The following ANOS1 variants were observed in gnomAD, a reference collection of about 807,000 sequenced individuals.
The protein encoded by ANOS1 is anosmin 1.
Under a neutral mutation model 59.0 loss-of-function variants are expected in ANOS1, and 6 were observed. That is an observed-to-expected ratio of 0.10 (90% CI 0.06 to 0.20). The LOEUF is 0.20. ANOS1 is among the 10% of genes least tolerant of loss of function. The pLI is 1.00. For missense variants in ANOS1, 433 were observed against 542.3 expected, an observed-to-expected ratio of 0.80 and a Z score of 2.00; for synonymous variants, 217 against 223.4, an observed-to-expected ratio of 0.97 and a Z score of 0.25.
chrX:8,656,386 G>A (rs1161072801), intron 2 of ANOS1, among the ~76,000 whole-genome samples: 4 of 111,293 alleles, frequency 3.6e-5, no homozygotes, highest in African/African-American at 1.3e-4. Context: ...AATACCATGG[G>A]GACAAAAACA....
At chrX:8,719,259 T>C (rs1932859767) in intron 1 of ANOS1, among the ~76,000 whole-genome samples, 1 of 112,522 alleles carries the variant, frequency 8.9e-6, no homozygotes, top group Non-Finnish European at 1.9e-5. Context: ...CAGAAGAGTG[T>C]CATTACTTCC....
At chrX:8,648,494 T>G (rs1201939645) in intron 2 of ANOS1, among the ~76,000 whole-genome samples, 1 of 105,464 alleles carries the variant, frequency 9.5e-6, no homozygotes, top group Non-Finnish European at 1.9e-5. Context: ...TACATGGAAA[T>G]TATTGTGTAA....
chrX:8,654,390 C>G (rs977862908), intron 2 of ANOS1, among the ~76,000 whole-genome samples: 1 of 112,533 alleles, frequency 8.9e-6, no homozygotes, highest in Non-Finnish European at 1.9e-5. Context: ...AGGTCTATCT[C>G]TATTCCATTC....
intron 2 of ANOS1, among the ~76,000 whole-genome samples, chrX:8,630,843 G>A (rs1472223079): frequency 8.9e-6 from 1 of 112,928 alleles, no homozygotes; most frequent in Non-Finnish European, 1.9e-5. Flanking sequence ...TCTTTACAAC[G>A]TCTTCCAATC....
chrX:8,655,051 T>C lies in ANOS1; in HGVS notation c.256-31381A>G, dbSNP rs746118212. ...GGTTTTGTGGAATATATTTTTTTTT[T>C]CCATGGACTGGGTGAGGAGGAGGAG... On this transcript the variant is annotated intron_variant, in intron 2 of 13. Coordinates refer to ENST00000262648, the MANE Select transcript of ANOS1 (RefSeq NM_000216.4). 1.4e-4 allele frequency among the ~76,000 whole-genome samples: 16 copies of C among 111,449 alleles called. No individual in the cohort carries two copies. The East Asian group carries it at 3.9e-3, about 27-fold the overall frequency.
At chrX:8,727,677 C>G (rs1216331053) in intron 1 of ANOS1, among the ~76,000 whole-genome samples, 1 of 112,189 alleles carries the variant, frequency 8.9e-6, no homozygotes, top group East Asian at 2.8e-4. Context: ...AGCATCATGC[C>G]TGAGCACATG....
At chrX:8,563,388 C>G (rs1387125453) in intron 8 of ANOS1, among the ~76,000 whole-genome samples, 1 of 112,274 alleles carries the variant, frequency 8.9e-6, no homozygotes, top group Non-Finnish European at 1.9e-5. Flanking sequence ...AAATAGATTT[C>G]TTTCATTTAA....
chrX:8,640,465 G>A (rs1479719063), intron 2 of ANOS1, among the ~76,000 whole-genome samples: 1 of 109,942 alleles, frequency 9.1e-6, no homozygotes, highest in Non-Finnish European at 1.9e-5. Flanking sequence ...GAATCAATTC[G>A]ATTGAGCCGT....
At chrX:8,646,914 C>T (rs1381152090) in intron 2 of ANOS1, among the ~76,000 whole-genome samples, 2 of 90,235 alleles carry the variant, frequency 2.2e-5, no homozygotes, top group South Asian at 6.1e-4. Flanking sequence ...CCCTGGGCTA[C>T]AGAGTGCGAA....
intron 2 of ANOS1, among the ~76,000 whole-genome samples, chrX:8,695,831 T>G (rs1336187653): frequency 1.8e-5 from 2 of 111,500 alleles, no homozygotes; most frequent in East Asian, 5.6e-4. Flanking sequence ...AGAAAATCAC[T>G]GGCTTTTAAT....
intron 3 of ANOS1, among the ~76,000 whole-genome samples, chrX:8,610,906 C>T (rs1300710823): frequency 9.0e-6 from 1 of 111,537 alleles, no homozygotes; most frequent in Non-Finnish European, 1.9e-5. Context: ...ATTCAAAACA[C>T]AAAAATTTGA....
intron 3 of ANOS1, among the ~76,000 whole-genome samples, chrX:8,617,995 G>A (rs901845193): frequency 4.5e-5 from 5 of 110,755 alleles, no homozygotes; most frequent in Admixed American, 9.6e-5. Context: ...AATACAGCAG[G>A]AAAGAAATGT....
intron 2 of ANOS1, among the ~76,000 whole-genome samples, chrX:8,683,767 G>A (rs986250717): frequency 1.8e-5 from 2 of 111,519 alleles, no homozygotes; most frequent in Non-Finnish European, 1.9e-5. Context: ...CTGCTGCTGC[G>A]AATGCATGAC....
intron 12 of ANOS1, 99 bp from the exon 13 acceptor site, chrX:8,534,559 T>C: frequency 1.1e-6 from 1 of 882,954 alleles, no homozygotes; most frequent in Non-Finnish European, 1.6e-6. Context: ...CACTGGAGAA[T>C]ATCATACACA....
chrX:8,554,000 A>G lies in ANOS1; in HGVS notation c.1306T>C (p.Tyr436His). The G allele has an allele frequency of 5.8e-6, 7 of 1,209,523 alleles. No individual in the cohort carries two copies. Among genetic ancestry groups the G allele is most frequent in the Non-Finnish European group, 7.8e-6 (7 of 893,189 alleles). The change falls in exon 9 of 14, where the codon TAT becomes CAT. Residue 436 changes from tyrosine (Y) to histidine (H), a missense_variant. Coordinates refer to ENST00000262648, the MANE Select transcript of ANOS1 (RefSeq NM_000216.4). ...TRPLEVGAPF[Y>H]QDGQLQVKVY... ...TTAACTTGCAGTTGGCCATCCTGAT[A>G]GAAGGGAGCTCCGACTTCCAGCGGG...
chrX:8,559,563 G>C (rs904038320), intron 8 of ANOS1, among the ~76,000 whole-genome samples: 1 of 111,729 alleles, frequency 9.0e-6, no homozygotes, highest in Non-Finnish European at 1.9e-5. Flanking sequence ...TTGTTGTGTA[G>C]AGTCATGATC....
intron 3 of ANOS1, among the ~76,000 whole-genome samples, chrX:8,598,855 A>G (rs1052411205): frequency 8.9e-6 from 1 of 112,254 alleles, no homozygotes; most frequent in Non-Finnish European, 1.9e-5. Flanking sequence ...GTTAAATTTC[A>G]CTGTCTCTTT....
intron 2 of ANOS1, among the ~76,000 whole-genome samples, chrX:8,658,854 G>A: frequency 8.9e-6 from 1 of 111,737 alleles, no homozygotes; most frequent in East Asian, 2.8e-4. Context: ...TTGGGAGGCT[G>A]AAGTGGGAGG....
chrX:8,726,583 T>C (rs1932922574), intron 1 of ANOS1, among the ~76,000 whole-genome samples: 1 of 112,284 alleles, frequency 8.9e-6, no homozygotes, highest in African/African-American at 3.2e-5. Context: ...TGAGCCTCCA[T>C]TGAGAAAACA....
Sources: gnomAD v4.1 joint callset for allele counts (sites outside exome capture counted in the v4.1 genomes callset) on GRCh38, gnomAD v4.1.1 for gene constraint, MANE v1.5 for transcripts, NCBI Gene and HGNC (gene_info 2026-07-23, HGNC 2026-07-21) for gene names.